STK32B: variants seen among roughly 807,000 people sequenced by gnomAD.
STK32B encodes serine/threonine-protein kinase 32B.
STK32B carries 43 observed loss-of-function variants against 52.6 expected under a neutral mutation model. The observed-to-expected ratio is 0.82, with a 90% CI of 0.64 to 1.05. STK32B has a LOEUF of 1.05. Ranked by LOEUF, STK32B falls within the 50% of genes least tolerant of loss-of-function variation. The pLI is 0.00. For synonymous variants in STK32B, 238 were observed against 204.3 expected (o/e 1.17, Z -1.41); for missense variants, 621 against 534.6 (o/e 1.16, Z -1.59).
chr4:5,430,385 T>A lies in STK32B; in HGVS notation c.562+13451T>A, dbSNP rs922611249. On this transcript the variant is annotated intron_variant, in intron 6 of 11. Transcript: ENST00000282908. Reference sequence around the variant, plus strand: ...AGCATTCTTTATCTCTGGCACTATGTTTTTGCATTTGTTTGTTTTTAGCAT... The same window carrying A: ...AGCATTCTTTATCTCTGGCACTATGATTTTGCATTTGTTTGTTTTTAGCAT... 5.9e-5 allele frequency among the ~76,000 whole-genome samples: 9 copies of A among 152,346 alleles called. 1 individual carries two copies. The South Asian group carries it at 1.9e-3, about 32-fold the overall frequency.
At chr4:5,370,321 C>T (rs1318286846) in intron 4 of STK32B, among the ~76,000 whole-genome samples, 2 of 152,164 alleles carry the variant, frequency 1.3e-5, no homozygotes, top group African/African-American at 4.8e-5. Flanking sequence ...ATTGGAGCTG[C>T]ACCATATTTG....
chr4:5,175,306 CA>C (rs1335885699), intron 3 of STK32B, among the ~76,000 whole-genome samples: 5 of 152,188 alleles, frequency 3.3e-5, no homozygotes, highest in Non-Finnish European at 7.3e-5. Flanking sequence ...CTCAACTCGT[CA>C]AAGTTATTCT....
chr4:5,256,252 T>C (rs1300841242), intron 3 of STK32B, among the ~76,000 whole-genome samples: 3 of 152,236 alleles, frequency 2.0e-5, no homozygotes, highest in Admixed American at 2.0e-4. Flanking sequence ...ACAAGCTTAG[T>C]GTCTTTTAAG....
the STK32B span, among the ~76,000 whole-genome samples, chr4:5,031,121 G>A: frequency 4.9e-4 from 74 of 152,130 alleles, 3 homozygotes; most frequent in Admixed American, 4.8e-3. Flanking sequence ...GACTTTTTCT[G>A]AGCCTTCAAC....
chr4:5,435,944 G>A (rs968597326), intron 6 of STK32B: 1 of 152,332 alleles, frequency 6.6e-6, no homozygotes, highest in Non-Finnish European at 1.5e-5. Flanking sequence ...GTAGGTTCCT[G>A]GAGGACGAAA....
intron 6 of STK32B, among the ~76,000 whole-genome samples, chr4:5,435,424 T>A (rs141651399): frequency 6.6e-6 from 1 of 152,224 alleles, no homozygotes; most frequent in Non-Finnish European, 1.5e-5. Context: ...AGTCCCAGCC[T>A]TTTCTGTGTC....
chr4:5,361,617 G>T (rs79084092), intron 4 of STK32B, among the ~76,000 whole-genome samples: 15,044 of 152,264 alleles, frequency 0.099, 1,179 homozygotes, highest in Admixed American at 0.21. Flanking sequence ...CTCCGACCAA[G>T]GATCAATGGC....
Position 5,500,443 on chromosome 4 carries a change from T to G in STK32B, c.*1360T>G, listed in dbSNP as rs1720637961. On this transcript the variant is annotated 3_prime_UTR_variant, in exon 12 of 12. Coordinates refer to ENST00000282908, the MANE Select transcript of STK32B (RefSeq NM_018401.3). ...CTTCACTCACCCAGCAGGTCAGTTT[T>G]CTGTGCAAACAAACCTGTTTAGGAT... The G allele has an allele frequency of 6.6e-6, 1 of 152,118 alleles. No individual in the cohort carries two copies. The highest frequency in any genetic ancestry group is 2.4e-5 in the African/African-American group (1 of 41,354). 9.4% of individuals were successfully genotyped at this position (152,118 alleles called of 1,614,324 possible).
chr4:5,315,824 C>T (rs1035856345), intron 3 of STK32B, among the ~76,000 whole-genome samples: 9 of 151,320 alleles, frequency 5.9e-5, no homozygotes, highest in African/African-American at 1.9e-4. Flanking sequence ...CCTGCCTCAG[C>T]CTCCTGAGTA....
Position 5,397,230 on chromosome 4 carries a change from A to G in STK32B, c.435-977A>G, listed in dbSNP as rs191564341. Reference sequence around the variant, plus strand: ...GTTATAAATGAGTGAAAATTTATGCATTTGTAAAATCTATGGTTTTAATGC... The same window carrying G: ...GTTATAAATGAGTGAAAATTTATGCGTTTGTAAAATCTATGGTTTTAATGC... On this transcript the variant is annotated intron_variant, in intron 4 of 11. Coordinates refer to ENST00000282908, the MANE Select transcript of STK32B (RefSeq NM_018401.3). Among the ~76,000 whole-genome samples, 8 of 152,358 alleles carry G rather than the reference A, an allele frequency of 5.3e-5. No individual in the cohort carries two copies. The East Asian group carries it at 1.3e-3, about 26-fold the overall frequency.
intron 4 of STK32B, among the ~76,000 whole-genome samples, chr4:5,350,067 G>A (rs1733728456): frequency 6.6e-6 from 1 of 152,296 alleles, no homozygotes; most frequent in Admixed American, 6.5e-5. Flanking sequence ...CCTATTTAAT[G>A]AAAATTCTCC....
chr4:5,396,042 A>G lies in STK32B; in HGVS notation c.435-2165A>G, dbSNP rs886390261. 1.3e-5 allele frequency among the ~76,000 whole-genome samples: 2 copies of G among 151,806 alleles called. No individual in the cohort carries two copies. The highest frequency in any genetic ancestry group is 4.8e-5 in the African/African-American group (2 of 41,292). On this transcript the variant is annotated intron_variant, in intron 4 of 11. Transcript: ENST00000282908. The surrounding 1 kb of genome is among the most constrained non-coding windows in gnomAD (Gnocchi z 4.7). ...AGCTGCCCTTTGAGGTTTGCCCTCA[A>G]CTCTATCAGCTCTCCTTCCACCGTG...
intron 3 of STK32B, among the ~76,000 whole-genome samples, chr4:5,294,276 C>T (rs1729059555): frequency 3.9e-5 from 6 of 151,914 alleles, no homozygotes; most frequent in Admixed American, 2.0e-4. Flanking sequence ...TACAGGCTGT[C>T]TTTTGGTTCC....
At chr4:5,336,485 C>A (rs1476973872) in intron 4 of STK32B, among the ~76,000 whole-genome samples, 1 of 152,030 alleles carries the variant, frequency 6.6e-6, no homozygotes, top group Non-Finnish European at 1.5e-5. Context: ...ACTCTGGAAA[C>A]ATCAAAATAA....
intron 11 of STK32B, among the ~76,000 whole-genome samples, chr4:5,497,506 C>G (rs1169029490): frequency 2.6e-5 from 4 of 152,324 alleles, no homozygotes; most frequent in Admixed American, 1.3e-4. Flanking sequence ...CCACCTTTCC[C>G]AGTTGCCCTA....
chr4:5,433,783 G>C (rs1363633666), intron 6 of STK32B, among the ~76,000 whole-genome samples: 1 of 152,158 alleles, frequency 6.6e-6, no homozygotes, highest in African/African-American at 2.4e-5. Context: ...CACTGCAGCA[G>C]GCTAATAATT....
chr4:5,395,616 G>A lies in STK32B; in HGVS notation c.435-2591G>A, dbSNP rs1736834982. Among the ~76,000 whole-genome samples, 1 of 152,160 alleles carries A rather than the reference G, an allele frequency of 6.6e-6. No individual in the cohort carries two copies. The highest frequency in any genetic ancestry group is 1.9e-4 in the East Asian group (1 of 5,180). On this transcript the variant is annotated intron_variant, in intron 4 of 11. Transcript: ENST00000282908. The surrounding 1 kb of genome is among the most constrained non-coding windows in gnomAD (Gnocchi z 4.4). Reference sequence around the variant, plus strand: ...TAGAATGCAAGCTCCATTCAGTTGGGTCTGTCTTGTTCACGACGTGTCCTT... The same window carrying A: ...TAGAATGCAAGCTCCATTCAGTTGGATCTGTCTTGTTCACGACGTGTCCTT...
intron 1 of STK32B, among the ~76,000 whole-genome samples, chr4:5,136,195 A>T (rs12506664): frequency 0.13 from 19,674 of 152,218 alleles, 1,292 homozygotes; most frequent in African/African-American, 0.16. Flanking sequence ...ATCAAGAAAG[A>T]AGGGAGAATT....
At chr4:5,497,067 T>G (rs13112818) in intron 11 of STK32B, among the ~76,000 whole-genome samples, 38,782 of 152,128 alleles carry the variant, frequency 0.25, 5,937 homozygotes, top group East Asian at 0.35. Flanking sequence ...TTTTTTAGCC[T>G]CAAGATATCA....
Sources: allele counts gnomAD v4.1 joint callset (sites outside exome capture counted in the v4.1 genomes callset), GRCh38; gene constraint gnomAD v4.1.1; non-coding constraint Gnocchi (gnomAD v3.1); transcripts MANE v1.5; gene names NCBI Gene and HGNC (gene_info 2026-07-23, HGNC 2026-07-21).